The following METTL15 variants were observed in gnomAD, a reference collection of about 807,000 sequenced individuals.
The protein encoded by METTL15 is 12S rRNA N(4)-cytidine methyltransferase METTL15.
METTL15 carries 34 observed loss-of-function variants against 38.3 expected under a neutral mutation model. The ratio of observed to expected loss-of-function variants is 0.89; its 90% CI spans 0.68 to 1.18. The LOEUF (loss-of-function observed/expected upper bound fraction) is 1.18. Ranked by LOEUF, METTL15 falls within the 50% of genes most tolerant of loss-of-function variation. The probability of loss-of-function intolerance (pLI) is 0.00; values close to 1 mark genes in which losing one functional copy is unlikely to be tolerated. For synonymous variants in METTL15, 162 were observed against 170.9 expected (o/e 0.95, Z 0.41); for missense variants, 438 against 498.4 (o/e 0.88, Z 1.15).
intron 6 of METTL15, among the ~76,000 whole-genome samples, chr11:28,307,331 G>A (rs1418840510): frequency 1.3e-5 from 2 of 151,932 alleles, no homozygotes; most frequent in African/African-American, 4.8e-5. Flanking sequence ...TTCTTCATTG[G>A]TGCATCATCA....
chr11:28,304,220 A>C lies in METTL15; in HGVS notation c.778+7289A>C, dbSNP rs557743288. ...TGATTTGTGATAGATTGATCACTTC[A>C]TTCCAAGATGTTCTTCCCTTAGGAG... On this transcript the variant is annotated intron_variant, in intron 6 of 6. Coordinates refer to ENST00000407364, the MANE Select transcript of METTL15 (RefSeq NM_001113528.2). Among the ~76,000 whole-genome samples, 5 of 152,230 alleles carry C rather than the reference A, an allele frequency of 3.3e-5. No homozygotes were observed. The South Asian group carries it at 6.2e-4, about 19-fold the overall frequency.
At chr11:28,269,544 G>A (rs1855561672) in intron 4 of METTL15, among the ~76,000 whole-genome samples, 3 of 151,982 alleles carry the variant, frequency 2.0e-5, no homozygotes, top group Admixed American at 2.0e-4. Context: ...ACTGCATGTT[G>A]TTGTTATTAC....
At position 28,468,011 on chromosome 11, in the gene METTL15, C is replaced by A. The variant is rs144263000; in HGVS notation, c.*424+43647C>A. 1.8e-4 allele frequency among the ~76,000 whole-genome samples: 27 copies of A among 152,240 alleles called. 1 individual carries two copies. Among genetic ancestry groups the A allele is most frequent in the African/African-American group, 6.3e-4 (26 of 41,554 alleles). Reference sequence around the variant, plus strand: ...GTCTAGCTGGCAGATTATGCATGAACCACCACTCAAATGCTTGAACATAAC... The same window carrying A: ...GTCTAGCTGGCAGATTATGCATGAAACACCACTCAAATGCTTGAACATAAC... On this transcript the variant is annotated intron_variant and NMD_transcript_variant, in intron 6 of 7. Coordinates refer to the METTL15 transcript ENST00000532947.
intron 3 of METTL15, among the ~76,000 whole-genome samples, chr11:28,170,401 A>G (rs1411564971): frequency 6.6e-6 from 1 of 152,084 alleles, no homozygotes; most frequent in African/African-American, 2.4e-5. Context: ...ACCCCAAGAG[A>G]GGGTTCTTGG....
At chr11:28,108,838 T>A (rs973383003) in intron 1 of METTL15, among the ~76,000 whole-genome samples, 4 of 152,202 alleles carry the variant, frequency 2.6e-5, no homozygotes, top group African/African-American at 9.7e-5. Flanking sequence ...TGATTTTTTT[T>A]AAGTCCCAGG....
chr11:28,343,451 A>G (rs1194659429), intron 3 of METTL15, among the ~76,000 whole-genome samples: 2 of 152,180 alleles, frequency 1.3e-5, no homozygotes, highest in Non-Finnish European at 2.9e-5. Flanking sequence ...GACTGCTTAT[A>G]TTTCTCTAAC....
chr11:28,207,540 G>T (rs1001332399), intron 3 of METTL15, among the ~76,000 whole-genome samples: 146 of 151,870 alleles, frequency 9.6e-4, no homozygotes, highest in African/African-American at 2.6e-3. Context: ...TTTGCATCAG[G>T]GTTCATCAAG....
intron 6 of METTL15, among the ~76,000 whole-genome samples, chr11:28,505,693 G>A (rs928705317): frequency 3.3e-5 from 5 of 152,106 alleles, no homozygotes; most frequent in Non-Finnish European, 7.4e-5. Flanking sequence ...TCTGGAAATC[G>A]CTGGTAGTTG....
chr11:28,111,234 A>G (rs1480102353), intron 2 of METTL15, among the ~76,000 whole-genome samples: 1 of 152,250 alleles, frequency 6.6e-6, no homozygotes, highest in Non-Finnish European at 1.5e-5. Flanking sequence ...TGAATGCAAT[A>G]GAAAAAAATT....
At chr11:28,357,095 C>T (rs556807739) in intron 4 of METTL15, among the ~76,000 whole-genome samples, 4 of 152,280 alleles carry the variant, frequency 2.6e-5, no homozygotes, top group South Asian at 2.1e-4. Flanking sequence ...TCCTGCTCTT[C>T]GTAGGCAGAA....
At chr11:28,143,366 G>A (rs1849765184) in intron 3 of METTL15, among the ~76,000 whole-genome samples, 1 of 152,142 alleles carries the variant, frequency 6.6e-6, no homozygotes, top group Non-Finnish European at 1.5e-5. Flanking sequence ...TCAAAACCAT[G>A]AAGGGACTCT....
Position 28,438,142 on chromosome 11 carries a change from T to C in METTL15, c.*424+13778T>C, listed in dbSNP as rs72880006. Among the ~76,000 whole-genome samples, 824 of 152,382 alleles carry C rather than the reference T, an allele frequency of 5.4e-3. 7 individuals carry two copies. Among genetic ancestry groups the C allele is most frequent in the Admixed American group, 0.012 (178 of 15,310 alleles). On this transcript the variant is annotated intron_variant and NMD_transcript_variant, in intron 6 of 7. Coordinates refer to the METTL15 transcript ENST00000532947. ...TAGAAAATAATTTCATGATTGATGT[T>C]AATGGTAATTCCTTAGAACAGCCCA...
At chr11:28,304,787 T>C (rs1235539811) in intron 6 of METTL15, among the ~76,000 whole-genome samples, 2 of 152,198 alleles carry the variant, frequency 1.3e-5, no homozygotes, top group African/African-American at 2.4e-5. Flanking sequence ...CATAAACTTA[T>C]TCCTGATCAA....
intron 6 of METTL15, among the ~76,000 whole-genome samples, chr11:28,317,773 A>AT (rs751777337): frequency 6.6e-6 from 1 of 152,094 alleles, no homozygotes; most frequent in Non-Finnish European, 1.5e-5. Context: ...ACTAAGCAAG[A>AT]TTTTCTCTTA....
In METTL15 at chr11:28,296,980, C is replaced by T. The variant is rs758781712; in HGVS notation, c.778+49C>T. On this transcript the variant is annotated intron_variant, in intron 6 of 6. Coordinates refer to ENST00000407364, the MANE Select transcript of METTL15 (RefSeq NM_001113528.2). Reference sequence around the variant, plus strand: ...TGTCTAAGAGAAAAAATTATATTTACATGTGTGCATGTGTTTGTGTGCATG... The same window carrying T: ...TGTCTAAGAGAAAAAATTATATTTATATGTGTGCATGTGTTTGTGTGCATG... The T allele has an allele frequency of 2.5e-6, 4 of 1,591,390 alleles. No homozygotes were observed. The South Asian group carries it at 3.3e-5, about 13-fold the overall frequency.
chr11:28,294,084 A>C (rs780779570), intron 5 of METTL15, among the ~76,000 whole-genome samples: 5 of 152,296 alleles, frequency 3.3e-5, no homozygotes, highest in East Asian at 1.9e-4. Context: ...GAGAACTTCC[A>C]ACACTATGTT....
intron 6 of METTL15, among the ~76,000 whole-genome samples, chr11:28,426,842 C>T (rs1166079714): frequency 6.6e-6 from 1 of 151,402 alleles, no homozygotes; most frequent in Non-Finnish European, 1.5e-5. Flanking sequence ...GATATTAGAC[C>T]TTTGTCAGAT....
chr11:28,440,460 A>G (rs1368619010), intron 6 of METTL15, among the ~76,000 whole-genome samples: 5 of 152,340 alleles, frequency 3.3e-5, no homozygotes. Context: ...ATATAAATTA[A>G]GTTTAAAGAT....
intron 4 of METTL15, among the ~76,000 whole-genome samples, chr11:28,279,335 T>C (rs1855961311): frequency 6.6e-6 from 1 of 152,232 alleles, no homozygotes; most frequent in Non-Finnish European, 1.5e-5. Flanking sequence ...AATTTGATTG[T>C]TAAAATTCAA....
Sources: allele counts gnomAD v4.1 joint callset (sites outside exome capture counted in the v4.1 genomes callset), GRCh38; gene constraint gnomAD v4.1.1; transcripts MANE v1.5; gene names NCBI Gene and HGNC (gene_info 2026-07-23, HGNC 2026-07-21).